Variants in EPB41L2 observed in about 807,000 individuals in gnomAD.
The protein encoded by EPB41L2 is band 4.1-like protein 2.
EPB41L2 carries 43 observed loss-of-function variants against 113.0 expected under a neutral mutation model. The ratio of observed to expected loss-of-function variants is 0.38; its 90% CI spans 0.30 to 0.49. EPB41L2 has a LOEUF of 0.49. Ranked by LOEUF, EPB41L2 falls within the 20% of genes least tolerant of loss-of-function variation. The pLI, the probability that EPB41L2 is intolerant of heterozygous loss-of-function variation, is 0.95. For synonymous variants in EPB41L2, 442 were observed against 436.7 expected (o/e 1.01, Z -0.15); for missense variants, 1,147 against 1,223.4 (o/e 0.94, Z 0.93).
chr6:131,042,191 G>C (rs1562787248), intron 1 of EPB41L2, among the ~76,000 whole-genome samples: 1 of 152,096 alleles, frequency 6.6e-6, no homozygotes, highest in African/African-American at 2.4e-5. Context: ...AAGAAACTCA[G>C]TAAGAATGCA....
intron 1 of EPB41L2, among the ~76,000 whole-genome samples, chr6:130,983,328 A>G (rs1374840264): frequency 1.3e-5 from 2 of 152,162 alleles, no homozygotes; most frequent in African/African-American, 2.4e-5. Flanking sequence ...TAATGTGTCA[A>G]TGAGGATCAT....
Position 130,894,861 on chromosome 6 carries a change from A to T in EPB41L2, c.1389+106T>A, listed in dbSNP as rs1483353783. ...CCTGACCTTTTACAATGGAAGAATA[A>T]ATAGTTTATTTTCTTAAAATTTTAG... On this transcript the variant is annotated intron_variant, in intron 9 of 19. Transcript: ENST00000337057. The T allele has an allele frequency of 5.8e-6, 7 of 1,208,286 alleles. No individual in the cohort carries two copies. The Admixed American group carries it at 2.1e-4, about 36-fold the overall frequency. The allele number at this position is 1,208,286 out of a possible 1,614,324, so 74.8% of individuals were successfully genotyped here. A position where few individuals can be genotyped will look rare whatever the true frequency, so the allele number is the denominator to read the frequency against.
At chr6:131,026,724 T>G (rs1182537249) in intron 1 of EPB41L2, among the ~76,000 whole-genome samples, 4 of 152,156 alleles carry the variant, frequency 2.6e-5, no homozygotes, top group Non-Finnish European at 5.9e-5. Flanking sequence ...TCAATGCTAC[T>G]TTCACCATAC....
chr6:130,972,125 A>T (rs993294899), intron 1 of EPB41L2, among the ~76,000 whole-genome samples: 5 of 152,168 alleles, frequency 3.3e-5, no homozygotes, highest in Admixed American at 6.5e-5. Flanking sequence ...AGAGTTCTAG[A>T]CCAGCCTGGC....
chr6:130,906,901 C>T (rs1797898688), intron 5 of EPB41L2, among the ~76,000 whole-genome samples: 1 of 152,116 alleles, frequency 6.6e-6, no homozygotes, highest in African/African-American at 2.4e-5. Flanking sequence ...CTGGTTCCAA[C>T]AGTTTTAAAA....
At chr6:130,934,967 A>C (rs1414289664) in intron 3 of EPB41L2, among the ~76,000 whole-genome samples, 1 of 152,160 alleles carries the variant, frequency 6.6e-6, no homozygotes, top group Non-Finnish European at 1.5e-5. Context: ...TTAGAGAATA[A>C]ACCAAAAAAA....
intron 19 of EPB41L2, among the ~76,000 whole-genome samples, chr6:130,842,360 T>A (rs979023053): frequency 6.6e-6 from 1 of 152,036 alleles, no homozygotes; most frequent in African/African-American, 2.4e-5. Flanking sequence ...AAAAGAAATG[T>A]GGGGGATGAT....
chr6:130,875,194 C>A (rs1304121813), intron 14 of EPB41L2, among the ~76,000 whole-genome samples: 1 of 152,180 alleles, frequency 6.6e-6, no homozygotes, highest in African/African-American at 2.4e-5. Context: ...ATACTCTCTA[C>A]CAATTAACAG....
chr6:130,953,724 T>C (rs1816119500), intron 3 of EPB41L2, among the ~76,000 whole-genome samples: 1 of 151,852 alleles, frequency 6.6e-6, no homozygotes, highest in Non-Finnish European at 1.5e-5. Context: ...TCTGCCTTCA[T>C]GACTGGGATT....
intron 1 of EPB41L2, among the ~76,000 whole-genome samples, chr6:131,022,445 A>C (rs1354202418): frequency 1.3e-5 from 2 of 152,098 alleles, no homozygotes; most frequent in Non-Finnish European, 2.9e-5. Context: ...TTTATATTCA[A>C]ATCTTCACAA....
chr6:130,906,766 G>A (rs1797851455), intron 5 of EPB41L2, among the ~76,000 whole-genome samples: 1 of 152,098 alleles, frequency 6.6e-6, no homozygotes, highest in Admixed American at 6.6e-5. Flanking sequence ...CAGACACCAA[G>A]GATAGAATAG....
chr6:130,930,173 C>T (rs772260047), intron 3 of EPB41L2, among the ~76,000 whole-genome samples: 2 of 152,022 alleles, frequency 1.3e-5, no homozygotes, highest in African/African-American at 2.4e-5. Flanking sequence ...ACCCTGTTTC[C>T]CATTATTCCT....
At chr6:131,009,222 T>C in intron 1 of EPB41L2, among the ~76,000 whole-genome samples, 1 of 152,212 alleles carries the variant, frequency 6.6e-6, no homozygotes, top group East Asian at 1.9e-4. Context: ...CGAGGTCTGA[T>C]GGTTTTATAA....
At chr6:130,881,203 T>C (rs1185021222) in intron 12 of EPB41L2, 1 of 152,186 alleles carries the variant, frequency 6.6e-6, no homozygotes, top group African/African-American at 2.4e-5. Context: ...CAAAGGCAAA[T>C]CATTTAACCT....
intron 16 of EPB41L2, 69 bp from the exon 17 acceptor site, chr6:130,865,703 GC>G: frequency 1.3e-6 from 2 of 1,485,358 alleles, no homozygotes; most frequent in Non-Finnish European, 9.3e-7. Context: ...GAAGATCCCC[GC>G]CCCATCGAAT....
intron 14 of EPB41L2, chr6:130,870,365 G>A: frequency 2.6e-6 from 4 of 1,550,572 alleles, no homozygotes. Context: ...AGGCCCTTCT[G>A]ACTCGGGAGC....
chr6:130,873,464 AGG>A (rs1786425894), intron 14 of EPB41L2, among the ~76,000 whole-genome samples: 1 of 70,744 alleles, frequency 1.4e-5, no homozygotes, highest in Non-Finnish European at 2.6e-5. Context: ...CCCACTATTC[AGG>A]TTTTTTTTTT....
At position 130,866,094 on chromosome 6, in the gene EPB41L2, A is replaced by G. The variant is rs146422798; in HGVS notation, c.2731-460T>C. ...GACCAGGACAAACTGAATCTGCATG[A>G]TTTGGTTATCTGCTTACCTCTAGCG... is the stretch of plus-strand genomic sequence containing the variant. On this transcript the variant is annotated intron_variant, in intron 16 of 19. Transcript: ENST00000337057. Among the ~76,000 whole-genome samples the G allele has an allele frequency of 1.9e-3, 288 of 152,310 alleles. 3 individuals carry two copies. The highest frequency in any genetic ancestry group is 6.8e-3 in the Middle Eastern group (2 of 294).
intron 4 of EPB41L2, among the ~76,000 whole-genome samples, chr6:130,916,511 G>A (rs1801140572): frequency 6.6e-6 from 1 of 152,122 alleles, no homozygotes; most frequent in Non-Finnish European, 1.5e-5. Context: ...TCAGAATAAT[G>A]GTCCAAATGT....
Sources: allele counts gnomAD v4.1 joint callset (sites outside exome capture counted in the v4.1 genomes callset), GRCh38; gene constraint gnomAD v4.1.1; transcripts MANE v1.5; gene names NCBI Gene and HGNC (gene_info 2026-07-23, HGNC 2026-07-21).